Variants in C19orf47 observed in about 807,000 individuals in gnomAD.
The protein encoded by C19orf47 is chromosome 19 open reading frame 47.
Under a neutral mutation model 32.3 loss-of-function variants are expected in C19orf47, and 18 were observed. The ratio of observed to expected loss-of-function variants is 0.56; its 90% CI spans 0.39 to 0.83. The LOEUF (loss-of-function observed/expected upper bound fraction) is 0.83, where lower values mean the gene tolerates loss of function less well. Among genes scored for constraint, C19orf47 ranks in the 40% least tolerant of loss-of-function variants. The pLI is 0.00. For synonymous variants in C19orf47, 202 were observed against 211.1 expected, an observed-to-expected ratio of 0.96 and a Z score of 0.37; for missense variants, 484 against 531.6, an observed-to-expected ratio of 0.91 and a Z score of 0.88.
chr19:40,323,668 T>C (rs2077767831), intron 8 of C19orf47, among the ~76,000 whole-genome samples: 1 of 151,696 alleles, frequency 6.6e-6, no homozygotes. Context: ...GACAGTAGAG[T>C]CATCAGACCC....
intron 4 of C19orf47, among the ~76,000 whole-genome samples, chr19:40,335,907 C>T (rs527937468): frequency 2.3e-3 from 350 of 152,348 alleles, no homozygotes; most frequent in African/African-American, 7.6e-3. Context: ...CCGCACCCGG[C>T]CAGGTTTGCC....
downstream of C19orf47, among the ~76,000 whole-genome samples, chr19:40,315,669 A>G (rs953870225): frequency 6.6e-6 from 1 of 151,976 alleles, no homozygotes; most frequent in East Asian, 1.9e-4. Flanking sequence ...AATCCCAGCC[A>G]CTCAGGAGGC....
chr19:40,343,239 G>C (rs1444371865), intron 1 of C19orf47, among the ~76,000 whole-genome samples: 1 of 151,836 alleles, frequency 6.6e-6, no homozygotes, highest in Admixed American at 6.6e-5. Context: ...CCCCGCATGG[G>C]GTGCAGAAGC....
intron 7 of C19orf47, 81 bp from the exon 8 acceptor site, chr19:40,324,157 C>A: frequency 7.5e-7 from 1 of 1,337,146 alleles, no homozygotes. Context: ...CCAAGGCAGC[C>A]CAGACACCAG....
intron 2 of C19orf47, among the ~76,000 whole-genome samples, chr19:40,340,718 T>A (rs1265614355): frequency 6.7e-6 from 1 of 148,596 alleles, no homozygotes; most frequent in Non-Finnish European, 1.5e-5. Flanking sequence ...GTGGCTCACA[T>A]GTGTAATCCC....
chr19:40,331,481 C>A (rs983207612), intron 5 of C19orf47, among the ~76,000 whole-genome samples: 1 of 152,170 alleles, frequency 6.6e-6, no homozygotes, highest in African/African-American at 2.4e-5. Flanking sequence ...GAAATAAACA[C>A]CCATGTTTTA....
the C19orf47 span, among the ~76,000 whole-genome samples, chr19:40,304,711 TTAAAA>T: frequency 6.6e-6 from 1 of 152,136 alleles, no homozygotes; most frequent in Non-Finnish European, 1.5e-5. Flanking sequence ...ACTTACTTAA[TTAAAA>T]TGAGTTTTTT....
chr19:40,310,270 C>T, the C19orf47 span, among the ~76,000 whole-genome samples: 1 of 151,630 alleles, frequency 6.6e-6, no homozygotes, highest in Non-Finnish European at 1.5e-5. Flanking sequence ...GCCACGGTGG[C>T]TCACATGTAT....
At chr19:40,325,209 G>A (rs2077804117) in intron 7 of C19orf47, among the ~76,000 whole-genome samples, 1 of 151,712 alleles carries the variant, frequency 6.6e-6, no homozygotes, top group African/African-American at 2.4e-5. Flanking sequence ...AGCGGAAGTT[G>A]CAGTGAGCCA....
rs998677321 is a variant in C19orf47, at chr19:40,321,423, G to A, written c.*459C>T. On this transcript the variant is annotated 3_prime_UTR_variant, in exon 9 of 9. Coordinates refer to ENST00000683109, the MANE Select transcript of C19orf47 (RefSeq NM_001256441.2). ...AGGGAGAGAGAGAAGTCACAGCAGT[G>A]GGGGGAGGCGCAGAGGAGTGAGGGA... 18 of 997,640 alleles carry A rather than the reference G, an allele frequency of 1.8e-5. No individual in the cohort carries two copies. Among genetic ancestry groups the A allele is most frequent in the Non-Finnish European group, 2.0e-5 (17 of 837,376 alleles). The allele number at this position is 997,640 out of a possible 1,614,324, so 61.8% of individuals were successfully genotyped here.
intron 1 of C19orf47, among the ~76,000 whole-genome samples, 181 bp downstream of exon 1, chr19:40,348,143 A>G (rs2078361696): frequency 6.6e-6 from 1 of 152,204 alleles, no homozygotes; most frequent in Non-Finnish European, 1.5e-5. Context: ...ACTCCCATTT[A>G]TAAAGCCGGT....
chr19:40,324,227 G>A, intron 7 of C19orf47, 151 bp from the exon 8 acceptor site: 1 of 737,906 alleles, frequency 1.4e-6, no homozygotes, highest in Non-Finnish European at 2.3e-6. Context: ...TACACTGTTG[G>A]CTCACACTGA....
chr19:40,334,026 G>T, intron 4 of C19orf47, 97 bp from the exon 5 acceptor site: 2 of 862,216 alleles, frequency 2.3e-6, no homozygotes, highest in Non-Finnish European at 3.5e-6. Flanking sequence ...CTGACTGCTA[G>T]AGAAGATTCT....
intron 5 of C19orf47, among the ~76,000 whole-genome samples, chr19:40,330,540 C>CTT (rs398034615): frequency 0.47 from 30,579 of 64,592 alleles, 8,399 homozygotes; most frequent in South Asian, 0.61. Flanking sequence ...ACCCGGCCCT[C>CTT]TTTTTTTTTT....
At chr19:40,326,149 C>T (rs1049054165) in intron 7 of C19orf47, among the ~76,000 whole-genome samples, 185 bp downstream of exon 7, 11 of 152,200 alleles carry the variant, frequency 7.2e-5, no homozygotes, top group Non-Finnish European at 1.5e-4. Context: ...ACTGCAGGAT[C>T]AGAGGGCAGA....
chr19:40,323,089 C>T (rs1025342249), intron 8 of C19orf47, among the ~76,000 whole-genome samples: 7 of 152,210 alleles, frequency 4.6e-5, no homozygotes, highest in African/African-American at 1.7e-4. Context: ...ATTGAGCACT[C>T]GCTATGCGCC....
downstream of C19orf47, among the ~76,000 whole-genome samples, chr19:40,314,994 C>T (rs536004573): frequency 1.3e-5 from 2 of 152,086 alleles, no homozygotes; most frequent in Non-Finnish European, 2.9e-5. Context: ...CAGAACTCTT[C>T]GAAACTATCA....
At chr19:40,331,026 T>C (rs1488706019) in intron 5 of C19orf47, among the ~76,000 whole-genome samples, 3 of 152,176 alleles carry the variant, frequency 2.0e-5, no homozygotes, top group Admixed American at 1.3e-4. Flanking sequence ...ACTGTAATAT[T>C]ATGGGTGAAT....
At chr19:40,311,822 C>T in the C19orf47 span, among the ~76,000 whole-genome samples, 35 of 152,068 alleles carry the variant, frequency 2.3e-4, no homozygotes, top group African/African-American at 7.5e-4. Flanking sequence ...CGCCTGGCTA[C>T]ATTTTTGTAT....
Sources: allele counts gnomAD v4.1 joint callset (sites outside exome capture counted in the v4.1 genomes callset), GRCh38; gene constraint gnomAD v4.1.1; transcripts MANE v1.5; gene names NCBI Gene and HGNC (gene_info 2026-07-23, HGNC 2026-07-21).